LDAH: variants seen among roughly 807,000 people sequenced by gnomAD.
The protein encoded by LDAH is lipid droplet associated hydrolase, also known as lipid droplet-associated hydrolase.
Under a neutral mutation model 29.6 loss-of-function variants are expected in LDAH, and 26 were observed. The observed-to-expected ratio is 0.88, with a 90% CI of 0.64 to 1.22. The LOEUF (loss-of-function observed/expected upper bound fraction) is 1.22. Ranked by LOEUF, LDAH falls within the 50% of genes most tolerant of loss-of-function variation. LDAH has a pLI of 0.00. For synonymous variants in LDAH, 117 were observed against 133.0 expected (o/e 0.88, Z 0.83); for missense variants, 344 against 387.3 (o/e 0.89, Z 0.94).
intron 2 of LDAH, among the ~76,000 whole-genome samples, chr2:20,792,246 C>T (rs981881027): frequency 1.3e-5 from 2 of 152,046 alleles, no homozygotes; most frequent in African/African-American, 4.8e-5. Context: ...TAGATTTCTT[C>T]ATATGGCTAG....
intron 1 of LDAH, among the ~76,000 whole-genome samples, chr2:20,811,537 T>C (rs1032047215): frequency 1.1e-4 from 16 of 151,498 alleles, no homozygotes; most frequent in African/African-American, 3.6e-4. Context: ...CAGGCTGGAG[T>C]GCAGTGGCGC....
chr2:20,727,674 T>C (rs1377121680), intron 5 of LDAH, among the ~76,000 whole-genome samples: 1 of 152,212 alleles, frequency 6.6e-6, no homozygotes, highest in African/African-American at 2.4e-5. Context: ...CGTATTTTCT[T>C]TTAGCTTTGA....
At chr2:20,795,682 A>G (rs1224973497) in intron 2 of LDAH, among the ~76,000 whole-genome samples, 2 of 152,188 alleles carry the variant, frequency 1.3e-5, no homozygotes, top group Non-Finnish European at 2.9e-5. Flanking sequence ...CAAATGCAAA[A>G]AAAAGAAAAG....
intron 5 of LDAH, among the ~76,000 whole-genome samples, chr2:20,708,899 T>C (rs1308263393): frequency 6.6e-6 from 1 of 152,108 alleles, no homozygotes; most frequent in African/African-American, 2.4e-5. Flanking sequence ...ATCTAAAGAA[T>C]GGGAAAAGAT....
At chr2:20,809,442 T>C (rs765093674) in intron 1 of LDAH, among the ~76,000 whole-genome samples, 5 of 151,890 alleles carry the variant, frequency 3.3e-5, no homozygotes, top group Non-Finnish European at 5.9e-5. Flanking sequence ...CCATTAGAAT[T>C]AAGAACTTGG....
At chr2:20,705,299 C>T (rs1252397933) in intron 5 of LDAH, among the ~76,000 whole-genome samples, 1 of 152,130 alleles carries the variant, frequency 6.6e-6, no homozygotes. Context: ...GCCCCTATCC[C>T]ATCTCCTTAT....
At chr2:20,701,707 T>A in intron 5 of LDAH, 55 bp from the exon 6 acceptor site, 2 of 1,469,210 alleles carry the variant, frequency 1.4e-6, no homozygotes, top group Non-Finnish European at 1.9e-6. Flanking sequence ...CAAACACAAA[T>A]TTCAAATTAA....
intron 4 of LDAH, among the ~76,000 whole-genome samples, chr2:20,770,578 A>G (rs1669343631): frequency 6.6e-6 from 1 of 152,140 alleles, no homozygotes; most frequent in African/African-American, 2.4e-5. Context: ...GATAGTGGAG[A>G]TAAGATTACT....
At position 20,687,013 on chromosome 2, in the gene LDAH, C is replaced by T; in HGVS notation, c.868G>A (p.Asp290Asn). Residue 290 changes from aspartate to asparagine, a missense_variant, in exon 7 of 7, where the codon GAC (aspartate) becomes AAC (asparagine). Transcript: ENST00000237822. ...ATGTTTTTCTCACAGAGTCGAATGT[C>T]TCCTTCTGGAAAATCCTTCTTAATG... ...EDIKKDFPEG[D>N]IRLCEKNIPH... The T allele has an allele frequency of 6.2e-7, 1 of 1,614,042 alleles. No homozygotes were observed. The highest frequency in any genetic ancestry group is 8.5e-7 in the Non-Finnish European group (1 of 1,179,940).
chr2:20,749,453 C>A (rs1057499399), intron 4 of LDAH, among the ~76,000 whole-genome samples: 1 of 152,108 alleles, frequency 6.6e-6, no homozygotes, highest in African/African-American at 2.4e-5. Flanking sequence ...TATACCAGTA[C>A]TAAGATGAGG....
At chr2:20,755,856 A>G (rs1249441537) in intron 4 of LDAH, among the ~76,000 whole-genome samples, 1 of 152,188 alleles carries the variant, frequency 6.6e-6, no homozygotes, top group Non-Finnish European at 1.5e-5. Flanking sequence ...GTGTTAGATA[A>G]GTGGTTTGAA....
chr2:20,774,699 CTCTGT>C, intron 4 of LDAH, 106 bp downstream of exon 4: 1 of 1,068,178 alleles, frequency 9.4e-7, no homozygotes. Flanking sequence ...ATATCCCTCT[CTCTGT>C]TCTATTTATC....
intron 5 of LDAH, among the ~76,000 whole-genome samples, chr2:20,715,204 T>A (rs1401613979): frequency 6.6e-6 from 1 of 152,228 alleles, no homozygotes; most frequent in African/African-American, 2.4e-5. Context: ...GCTTCATCCC[T>A]GGGACGCAAG....
At chr2:20,710,687 TATATATTATACATATATACAC>T (rs1356422778) in intron 5 of LDAH, among the ~76,000 whole-genome samples, 2 of 144,980 alleles carry the variant, frequency 1.4e-5, no homozygotes, top group Non-Finnish European at 3.0e-5. Flanking sequence ...TATATACACA[TATATATTATACATATATACAC>T]ATATATTATA....
Position 20,723,717 on chromosome 2 carries a change from T to C in LDAH, c.703+16254A>G, listed in dbSNP as rs545347642. Among the ~76,000 whole-genome samples the C allele has an allele frequency of 1.5e-4, 23 of 152,274 alleles. No individual in the cohort carries two copies. The South Asian group carries it at 4.8e-3, about 32-fold the overall frequency. The stretch of plus-strand genomic sequence containing the variant: ...AGTGGTCAGAAATAATAATACCAAA[T>C]AGAAGTGTAATTTCCTAAGTGGAAA... On this transcript the variant is annotated intron_variant, in intron 5 of 6. Coordinates refer to ENST00000237822, the MANE Select transcript of LDAH (RefSeq NM_021925.4).
At chr2:20,763,605 A>G (rs962481764) in intron 4 of LDAH, among the ~76,000 whole-genome samples, 1 of 152,242 alleles carries the variant, frequency 6.6e-6, no homozygotes, top group African/African-American at 2.4e-5. Flanking sequence ...AGAGGTAGTG[A>G]TAAAATGTGT....
At chr2:20,789,266 T>C in intron 3 of LDAH, 2 of 1,550,530 alleles carry the variant, frequency 1.3e-6, no homozygotes, top group African/African-American at 1.4e-5. Context: ...GATGGGGTCA[T>C]GAGGGTAGAG....
intron 4 of LDAH, among the ~76,000 whole-genome samples, chr2:20,773,006 C>T (rs773414215): frequency 8.5e-5 from 13 of 152,278 alleles, no homozygotes; most frequent in African/African-American, 1.4e-4. Context: ...CCAGAAACTA[C>T]GAGTGAAGAA....
chr2:20,701,811 T>A (rs1000635407), intron 5 of LDAH, among the ~76,000 whole-genome samples, 159 bp from the exon 6 acceptor site: 1 of 152,214 alleles, frequency 6.6e-6, no homozygotes, highest in African/African-American at 2.4e-5. Flanking sequence ...TCAGGCAACA[T>A]GCACACAGTC....
Sources: gnomAD v4.1 joint callset for allele counts (sites outside exome capture counted in the v4.1 genomes callset) on GRCh38, gnomAD v4.1.1 for gene constraint, MANE v1.5 for transcripts, NCBI Gene and HGNC (gene_info 2026-07-23, HGNC 2026-07-21) for gene names.